Variants in TMEM233 observed in about 807,000 individuals in gnomAD.
TMEM233 encodes dispanin subfamily B member 2.
In TMEM233, 6 loss-of-function variants were observed where a neutral mutation model predicts 11.2. That is an observed-to-expected ratio of 0.54 (90% CI 0.29 to 1.06). The LOEUF is 1.06. TMEM233 is among the 50% of genes least tolerant of loss of function. The pLI, the probability that TMEM233 is intolerant of heterozygous loss-of-function variation, is 0.08. For missense variants in TMEM233, 127 were observed against 144.7 expected (o/e 0.88, Z 0.63); for synonymous variants, 59 against 55.8 (o/e 1.06, Z -0.26).
At chr12:119,623,992 G>T (rs979980878) in intron 1 of TMEM233, among the ~76,000 whole-genome samples, 2 of 152,088 alleles carry the variant, frequency 1.3e-5, no homozygotes, top group African/African-American at 4.8e-5. Flanking sequence ...TGGGCATCTT[G>T]ACCTTGAAGG....
chr12:119,650,577 G>T, the TMEM233 span, among the ~76,000 whole-genome samples: 1 of 151,922 alleles, frequency 6.6e-6, no homozygotes, highest in African/African-American at 2.4e-5. Flanking sequence ...GAACTTTTAC[G>T]GCCGATTTGC....
In TMEM233 at chr12:119,593,908, C is replaced by G. The variant is rs767464428; in HGVS notation, c.60C>G (p.Ala20=). 15 of 1,551,632 alleles carry G rather than the reference C, an allele frequency of 9.7e-6. No individual in the cohort carries two copies. The highest frequency in any genetic ancestry group is 1.2e-5 in the Non-Finnish European group (14 of 1,147,004). ...FKRALDSSPE[A]NTEDDKTEED... Reference sequence around the variant, plus strand: ...GGGCTTTGGACAGCAGTCCCGAGGCCAACACTGAAGATGACAAGACCGAGG... The same window carrying G: ...GGGCTTTGGACAGCAGTCCCGAGGCGAACACTGAAGATGACAAGACCGAGG... The change falls in exon 1 of 3, where the codon GCC becomes GCG. Residue 20 remains alanine (A), a synonymous_variant. Coordinates refer to ENST00000426426, the MANE Select transcript of TMEM233 (RefSeq NM_001136534.3). This position sits in a 1 kb window ranked among gnomAD's most constrained non-coding sequence, Gnocchi z 4.1.
rs1259837917 is a variant in TMEM233, at chr12:119,595,934, A to G, written c.186+1900A>G. On this transcript the variant is annotated intron_variant, in intron 1 of 2. Coordinates refer to ENST00000426426, the MANE Select transcript of TMEM233 (RefSeq NM_001136534.3). This position sits in a 1 kb window ranked among gnomAD's most constrained non-coding sequence, Gnocchi z 4.3. ...GGCAGGAATATTTGTTGGTTCCTGT[A>G]TCTTCAGCATCTAGAAGAAAATGTG... Among the ~76,000 whole-genome samples the G allele has an allele frequency of 1.3e-5, 2 of 152,230 alleles. No homozygotes were observed. The highest frequency in any genetic ancestry group is 4.8e-5 in the African/African-American group (2 of 41,466).
In TMEM233 at chr12:119,595,040, G is replaced by T. The variant is rs921171170; in HGVS notation, c.186+1006G>T. On this transcript the variant is annotated intron_variant, in intron 1 of 2. Transcript: ENST00000426426. This position sits in a 1 kb window ranked among gnomAD's most constrained non-coding sequence, Gnocchi z 4.3. ...ACCTCCCGAGCTGCCCGCCTCTCTA[G>T]GAGTGGCCGCTGGGGCCTCTAGTCC... Among the ~76,000 whole-genome samples, 4 of 152,216 alleles carry T rather than the reference G, an allele frequency of 2.6e-5. No homozygotes were observed. Among genetic ancestry groups the T allele is most frequent in the African/African-American group, 9.6e-5 (4 of 41,480 alleles).
chr12:119,652,676 A>G, the TMEM233 span, among the ~76,000 whole-genome samples: 1 of 152,236 alleles, frequency 6.6e-6, no homozygotes, highest in Non-Finnish European at 1.5e-5. Context: ...GACCTAAAAA[A>G]TCTGAATATA....
At chr12:119,614,400 C>G (rs1954477936) in intron 1 of TMEM233, among the ~76,000 whole-genome samples, 1 of 146,652 alleles carries the variant, frequency 6.8e-6, no homozygotes, top group Non-Finnish European at 1.5e-5. Context: ...GAGAGAGAGA[C>G]TCCATCTCAA....
At chr12:119,622,676 C>T (rs554584252) in intron 1 of TMEM233, among the ~76,000 whole-genome samples, 3 of 152,156 alleles carry the variant, frequency 2.0e-5, no homozygotes, top group Non-Finnish European at 4.4e-5. Context: ...CGAGACCCCC[C>T]CAGCCATGGA....
At chr12:119,601,106 A>G (rs761729157) in intron 1 of TMEM233, among the ~76,000 whole-genome samples, 18 of 152,330 alleles carry the variant, frequency 1.2e-4, no homozygotes, top group Non-Finnish European at 2.4e-4. Context: ...AGAGAATTAA[A>G]GAGAGGAGAT....
the TMEM233 span, among the ~76,000 whole-genome samples, chr12:119,653,262 G>A: frequency 1.3e-5 from 2 of 151,556 alleles, no homozygotes; most frequent in Admixed American, 6.6e-5. Context: ...CAAGGTGGTG[G>A]GCATCTGTAC....
Position 119,629,918 on chromosome 12 carries a change from C to T in TMEM233, c.323+46C>T, listed in dbSNP as rs765982729. The T allele has an allele frequency of 3.5e-5, 54 of 1,532,344 alleles. No individual in the cohort carries two copies. In the East Asian group the frequency reaches 1.1e-3, roughly 31 times the overall value. The allele number at this position is 1,532,344 out of a possible 1,614,324, so 94.9% of individuals were successfully genotyped here. ...CCTCCCCATGTCAAACGCCCTTTCT[C>T]GAACGCCCGTTGGAATCTGTTAGGG... On this transcript the variant is annotated intron_variant, in intron 2 of 2. Coordinates refer to ENST00000426426, the MANE Select transcript of TMEM233 (RefSeq NM_001136534.3).
intron 1 of TMEM233, among the ~76,000 whole-genome samples, chr12:119,626,498 A>T (rs1954762069): frequency 8.5e-6 from 1 of 117,732 alleles, no homozygotes; most frequent in African/African-American, 3.8e-5. Context: ...AAGAAAAAGG[A>T]GGAGGAGGAG....
chr12:119,596,148 C>T (rs900697116), intron 1 of TMEM233, among the ~76,000 whole-genome samples: 3 of 152,098 alleles, frequency 2.0e-5, no homozygotes, highest in Admixed American at 6.5e-5. Context: ...CTTTTTTTGC[C>T]GAGAGTCTGG....
intron 2 of TMEM233, among the ~76,000 whole-genome samples, chr12:119,633,664 G>A (rs926084441): frequency 1.4e-4 from 21 of 152,314 alleles, no homozygotes; most frequent in Non-Finnish European, 2.4e-4. Flanking sequence ...AAGAGAGAGA[G>A]AGACAGAGAG....
At chr12:119,636,095 G>A (rs1262484411) in intron 2 of TMEM233, among the ~76,000 whole-genome samples, 1 of 152,116 alleles carries the variant, frequency 6.6e-6, no homozygotes, top group Non-Finnish European at 1.5e-5. Context: ...CCTCCCTGGA[G>A]TCCAGGGGGT....
intron 1 of TMEM233, among the ~76,000 whole-genome samples, chr12:119,626,315 C>T (rs544396577): frequency 1.3e-5 from 2 of 151,872 alleles, no homozygotes; most frequent in African/African-American, 4.8e-5. Context: ...GCTAAAAATA[C>T]AAAAATTTGC....
chr12:119,625,830 T>C (rs970645699), intron 1 of TMEM233, among the ~76,000 whole-genome samples: 1 of 152,206 alleles, frequency 6.6e-6, no homozygotes, highest in Non-Finnish European at 1.5e-5. Flanking sequence ...AAAAATTCTC[T>C]TGTGTAACTA....
chr12:119,643,811 T>C (rs1955116385), downstream of TMEM233, among the ~76,000 whole-genome samples: 1 of 151,262 alleles, frequency 6.6e-6, no homozygotes, highest in Non-Finnish European at 1.5e-5. Flanking sequence ...GACTCCTTCA[T>C]CAGCCAGTTA....
At chr12:119,608,792 G>A (rs540838478) in intron 1 of TMEM233, among the ~76,000 whole-genome samples, 2 of 152,322 alleles carry the variant, frequency 1.3e-5, no homozygotes, top group East Asian at 1.9e-4. Context: ...AGAAATCAGG[G>A]AGGGATGTTC....
chr12:119,625,446 T>C (rs992785888), intron 1 of TMEM233, among the ~76,000 whole-genome samples: 2 of 151,750 alleles, frequency 1.3e-5, no homozygotes, highest in Admixed American at 1.3e-4. Flanking sequence ...CATAGCTCAC[T>C]GCAGCCTCAA....
Sources: gnomAD v4.1 joint callset for allele counts (sites outside exome capture counted in the v4.1 genomes callset) on GRCh38, gnomAD v4.1.1 for gene constraint, Gnocchi (gnomAD v3.1) non-coding constraint, MANE v1.5 for transcripts, NCBI Gene and HGNC (gene_info 2026-07-23, HGNC 2026-07-21) for gene names.